The following CTTNBP2 variants were observed in gnomAD, a reference collection of about 807,000 sequenced individuals.
The protein encoded by CTTNBP2 is cortactin-binding protein 2.
CTTNBP2 carries 108 observed loss-of-function variants against 156.9 expected under a neutral mutation model. That is an observed-to-expected ratio of 0.69 (90% confidence interval 0.59 to 0.81). CTTNBP2 has a LOEUF of 0.81. Among genes scored for constraint, CTTNBP2 ranks in the 30% least tolerant of loss-of-function variants. CTTNBP2 has a pLI of 0.00. For synonymous variants in CTTNBP2, 767 were observed against 751.8 expected, an observed-to-expected ratio of 1.02 and a Z score of -0.33; for missense variants, 1,924 against 2,035.4, an observed-to-expected ratio of 0.95 and a Z score of 1.05.
intron 8 of CTTNBP2, among the ~76,000 whole-genome samples, chr7:117,768,983 A>G (rs1048395669): frequency 5.3e-5 from 8 of 152,184 alleles, no homozygotes; most frequent in Non-Finnish European, 7.3e-5. Context: ...TTGTTGATGA[A>G]CATTGGTGTT....
At chr7:117,819,367 T>TCTCTCACA (rs1236694379) in intron 2 of CTTNBP2, among the ~76,000 whole-genome samples, 2 of 130,610 alleles carry the variant, frequency 1.5e-5, no homozygotes, top group Non-Finnish European at 3.4e-5. Flanking sequence ...TCTCTCTCTC[T>TCTCTCACA]CACACACACA....
At position 117,784,383 on chromosome 7, in the gene CTTNBP2, G is replaced by A. The variant is rs756636212; in HGVS notation, c.2140C>T (p.Leu714Phe). 6.2e-7 allele frequency: 1 copy of A among 1,613,700 alleles called. No individual in the cohort carries two copies. Among genetic ancestry groups the A allele is most frequent in the Admixed American group, 1.7e-5 (1 of 59,838 alleles). The change falls in exon 5 of 23, where the codon CTT (leucine) becomes TTT (phenylalanine). Residue 714 changes from leucine to phenylalanine, a missense_variant. Coordinates refer to ENST00000160373, the MANE Select transcript of CTTNBP2 (RefSeq NM_033427.3). ...TTTCCCTGGGCAGCAGCTTGCTGAA[G>A]AAGGGTGGGCCTGCCAGCCAGGGGG... is the stretch of plus-strand genomic sequence containing the variant. Reference protein sequence around the residue: ...PAPLAGRPTLLQQAAAQGNVT... With the variant: ...PAPLAGRPTLFQQAAAQGNVT...
chr7:117,870,955 A>C (rs1329456186), intron 1 of CTTNBP2, among the ~76,000 whole-genome samples: 1 of 152,266 alleles, frequency 6.6e-6, no homozygotes, highest in Admixed American at 6.5e-5. Context: ...CTATAAATTA[A>C]GCTTGTTTCT....
chr7:117,810,761 A>G lies in CTTNBP2; in HGVS notation c.414+4T>C, dbSNP rs1179252836. On this transcript the variant is annotated splice_donor_region_variant and intron_variant, in intron 3 of 22. Coordinates refer to ENST00000160373, the MANE Select transcript of CTTNBP2 (RefSeq NM_033427.3). ...GGAAAATGACCATTTGAACGCCTCA[A>G]TACCTTCTTTTGTCTGCTCTCAGCA... 1 of 1,612,292 alleles carries G rather than the reference A, an allele frequency of 6.2e-7. No individual in the cohort carries two copies. Among genetic ancestry groups the G allele is most frequent in the East Asian group, 2.2e-5 (1 of 44,876 alleles).
intron 16 of CTTNBP2, among the ~76,000 whole-genome samples, chr7:117,731,530 G>A (rs867238431): frequency 6.6e-6 from 1 of 152,216 alleles, no homozygotes; most frequent in African/African-American, 2.4e-5. Flanking sequence ...CCCCAGGCCA[G>A]GGGCCAATGT....
intron 2 of CTTNBP2, among the ~76,000 whole-genome samples, chr7:117,830,788 AC>A (rs1801554448): frequency 6.6e-6 from 1 of 152,210 alleles, no homozygotes; most frequent in Non-Finnish European, 1.5e-5. Flanking sequence ...CCTGCTCTGC[AC>A]AGAAAATAAA....
intron 1 of CTTNBP2, chr7:117,872,008 C>T: frequency 1.0e-6 from 1 of 969,450 alleles, no homozygotes; most frequent in Non-Finnish European, 1.2e-6. Flanking sequence ...AGCTGATTCA[C>T]ATAAGTGGGC....
chr7:117,799,679 A>C (rs561808792), intron 3 of CTTNBP2, among the ~76,000 whole-genome samples: 2 of 152,226 alleles, frequency 1.3e-5, no homozygotes, highest in African/African-American at 4.8e-5. Flanking sequence ...GGGGAAGAAG[A>C]AAAAGGCAGG....
In CTTNBP2 at chr7:117,766,168, AT is replaced by A. The variant is rs1797474891; in HGVS notation, c.2896+890del. ...AGCATCAGCTTGTAATAAGAGAACT[AT>A]TTTAGAGAAATTCTGTATAAGACAC... is the stretch of plus-strand genomic sequence containing the variant. On this transcript the variant is annotated intron_variant, in intron 9 of 22. Coordinates refer to ENST00000160373, the MANE Select transcript of CTTNBP2 (RefSeq NM_033427.3). Among the ~76,000 whole-genome samples the A allele has an allele frequency of 2.0e-5, 3 of 152,206 alleles. No individual in the cohort carries two copies. In the South Asian group the frequency reaches 6.2e-4, roughly 32 times the overall value.
intron 2 of CTTNBP2, among the ~76,000 whole-genome samples, chr7:117,849,863 A>T (rs901570364): frequency 4.6e-5 from 7 of 152,162 alleles, no homozygotes; most frequent in Non-Finnish European, 1.0e-4. Flanking sequence ...CCACAAGATT[A>T]TATAGAAGAG....
chr7:117,801,522 C>T lies in CTTNBP2; in HGVS notation c.415-8741G>A, dbSNP rs577498231. On this transcript the variant is annotated intron_variant, in intron 3 of 22. Transcript: ENST00000160373. ...ATTGGGAAAATAATTGCTACAAAGA[C>T]CATTATTGGAACAACTGGGGGGAAA... Among the ~76,000 whole-genome samples, 9 of 152,142 alleles carry T rather than the reference C, an allele frequency of 5.9e-5. 1 individual carries two copies. The South Asian group carries it at 6.2e-4, about 11-fold the overall frequency.
rs752347575 is a variant in CTTNBP2, at chr7:117,711,715, C to G, written c.4814G>C (p.Gly1605Ala). ...CSNSKSKTEL[G>A]VSRVKSFLPV... is the part of the protein sequence containing the mutation. The stretch of plus-strand genomic sequence containing the variant: ...AAGAAAAGATTTAACTCTTGAAACA[C>G]CCAACTCAGTCTTTGATTTACTGTT... The change falls in exon 23 of 23, where the codon GGT (glycine) becomes GCT (alanine). Residue 1605 changes from glycine to alanine, a missense_variant. Coordinates refer to ENST00000160373, the MANE Select transcript of CTTNBP2 (RefSeq NM_033427.3). 1.4e-5 allele frequency: 22 copies of G among 1,613,998 alleles called. No homozygotes were observed. In the South Asian group the frequency reaches 2.2e-4, roughly 16 times the overall value.
chr7:117,750,482 T>C (rs1216029142), intron 12 of CTTNBP2, among the ~76,000 whole-genome samples: 1 of 152,212 alleles, frequency 6.6e-6, no homozygotes, highest in East Asian at 1.9e-4. Context: ...AACAAATGTA[T>C]ATACTTCCAC....
intron 19 of CTTNBP2, among the ~76,000 whole-genome samples, chr7:117,722,314 G>A (rs1269624721): frequency 2.0e-5 from 3 of 149,520 alleles, no homozygotes; most frequent in African/African-American, 5.0e-5. Flanking sequence ...CATATATACA[G>A]TGTAATTATT....
intron 9 of CTTNBP2, among the ~76,000 whole-genome samples, chr7:117,762,091 C>T (rs1339087611): frequency 3.3e-5 from 5 of 152,154 alleles, no homozygotes; most frequent in African/African-American, 1.2e-4. Context: ...GTTCTCTCCA[C>T]CTTTTCCAGA....
intron 2 of CTTNBP2, among the ~76,000 whole-genome samples, chr7:117,826,883 A>G (rs1801321300): frequency 6.8e-6 from 1 of 147,840 alleles, no homozygotes; most frequent in Admixed American, 6.8e-5. Flanking sequence ...TTATTTTGAG[A>G]TGGAGTCTCA....
At position 117,791,319 on chromosome 7, in the gene CTTNBP2, C is replaced by T. The variant is rs1318755393; in HGVS notation, c.1877G>A (p.Cys626Tyr). 5 of 1,614,022 alleles carry T rather than the reference C, an allele frequency of 3.1e-6. No individual in the cohort carries two copies. The African/African-American group carries it at 4.0e-5, about 13-fold the overall frequency. ...AGACGTGGCCAGGGCTGAAACGGCA[C>T]AGCCTGCAGGTGCCACAGTTAAATC... ...SIDLTVAPAG[C>Y]AVSALATSQV... Residue 626 changes from cysteine to tyrosine, a missense_variant, in exon 4 of 23, where the codon TGT becomes TAT. Coordinates refer to ENST00000160373, the MANE Select transcript of CTTNBP2 (RefSeq NM_033427.3).
At chr7:117,865,819 A>T (rs1014265130) in intron 1 of CTTNBP2, among the ~76,000 whole-genome samples, 5 of 150,462 alleles carry the variant, frequency 3.3e-5, no homozygotes, top group African/African-American at 1.2e-4. Context: ...GGCAGCTTCA[A>T]CTAATCCAGA....
intron 14 of CTTNBP2, among the ~76,000 whole-genome samples, chr7:117,744,488 T>A (rs1342961688): frequency 1.3e-5 from 2 of 152,354 alleles, no homozygotes; most frequent in African/African-American, 4.8e-5. Context: ...TCTAGTTCCA[T>A]CCGTGTTGTT....
Sources: gnomAD v4.1 joint callset for allele counts (sites outside exome capture counted in the v4.1 genomes callset) on GRCh38, gnomAD v4.1.1 for gene constraint, MANE v1.5 for transcripts, NCBI Gene and HGNC (gene_info 2026-07-23, HGNC 2026-07-21) for gene names.